Variants in MAP3K15 observed in about 807,000 individuals in gnomAD.
MAP3K15 encodes MAPK/ERK kinase kinase 15.
Under a neutral mutation model 99.5 loss-of-function variants are expected in MAP3K15, and 124 were observed. That is an observed-to-expected ratio of 1.25 (90% CI 1.08 to 1.45). The LOEUF is 1.45. MAP3K15 is among the 40% of genes most tolerant of loss of function. The probability of loss-of-function intolerance (pLI) is 0.00; values close to 1 mark genes in which losing one functional copy is unlikely to be tolerated. For missense variants in MAP3K15, 1,242 were observed against 1,079.7 expected (o/e 1.15, Z -2.11); for synonymous variants, 494 against 439.6 (o/e 1.12, Z -1.55).
chrX:19,473,485 A>C (rs2064220861), intron 3 of MAP3K15, among the ~76,000 whole-genome samples: 1 of 112,631 alleles, frequency 8.9e-6, no homozygotes, highest in African/African-American at 3.2e-5. Context: ...ATAAGTGGAA[A>C]CATCTCAAGA....
intron 6 of MAP3K15, among the ~76,000 whole-genome samples, chrX:19,434,874 GTAA>G (rs1418532018): frequency 9.0e-6 from 1 of 111,654 alleles, no homozygotes; most frequent in African/African-American, 3.3e-5. Flanking sequence ...CTGGAAACCT[GTAA>G]TAATTAAGCC....
At chrX:19,431,340 G>T in intron 7 of MAP3K15, 98 bp downstream of exon 7, 1 of 805,360 alleles carries the variant, frequency 1.2e-6, no homozygotes, top group Non-Finnish European at 1.7e-6. Flanking sequence ...CCTGCCAACA[G>T]ACAGACATAT....
Position 19,431,602 on chromosome X carries a change from G to A in MAP3K15, c.1002C>T (p.Asn334=). Residue 334 remains asparagine, a synonymous_variant, in exon 7 of 29, where the codon AAC becomes AAT. Transcript: ENST00000338883. ...GAGCCTTCTCACGGTCACCTGTGCT[G>A]TTTCTCCTGAAAGATAGATGTTATA... The part of the protein sequence containing the change: ...FHYAFALNRR[N]STGDREKALQ... The A allele has an allele frequency of 2.5e-6, 3 of 1,195,641 alleles. No individual in the cohort carries two copies. The highest frequency in any genetic ancestry group is 2.3e-4 in the Middle Eastern group (1 of 4,277).
chrX:19,486,310 G>A (rs1039884412), intron 3 of MAP3K15, among the ~76,000 whole-genome samples, 172 bp downstream of exon 3: 1 of 111,822 alleles, frequency 8.9e-6, no homozygotes, highest in East Asian at 2.8e-4. Flanking sequence ...AGTGGGGCCT[G>A]GGGCCGGCCG....
chrX:19,384,748 GGAAAAAAAAA>G (rs2063482664), intron 18 of MAP3K15, among the ~76,000 whole-genome samples: 3 of 56,469 alleles, frequency 5.3e-5, no homozygotes, highest in African/African-American at 1.4e-4. Flanking sequence ...TTGTCTCAGG[GGAAAAAAAAA>G]AAAAAAAAAA....
intron 1 of MAP3K15, among the ~76,000 whole-genome samples, chrX:19,500,981 A>G (rs1300505931): frequency 1.8e-5 from 2 of 112,068 alleles, no homozygotes; most frequent in Non-Finnish European, 3.8e-5. Flanking sequence ...GCTTCTTTCA[A>G]AGTTGGCCCA....
At chrX:19,370,872 G>A in intron 24 of MAP3K15, 87 bp downstream of exon 24, 1 of 730,867 alleles carries the variant, frequency 1.4e-6, no homozygotes. Context: ...AGATGGAAAA[G>A]AGAAAAGCAA....
rs781025203 is a variant in MAP3K15 at position 19,374,428 on chromosome X, A to G, written c.2773+49T>C. 7.5e-5 allele frequency: 85 copies of G among 1,138,005 alleles called. No individual in the cohort carries two copies. In the East Asian group the frequency reaches 2.3e-3, roughly 31 times the overall value. The allele number at this position is 1,138,005 out of a possible 1,213,427, so 93.8% of individuals were successfully genotyped here. A position where few individuals can be genotyped will look rare whatever the true frequency, so the allele number is the denominator to read the frequency against. On this transcript the variant is annotated intron_variant, in intron 20 of 28. Transcript: ENST00000338883. ...TGAGCAGCAGAGAAGCCCAGCGCCC[A>G]GCATTCTTGTGGCCAGGGTGCTGCC... is the stretch of plus-strand genomic sequence containing the variant.
At chrX:19,416,890 G>A (rs184746108) in intron 9 of MAP3K15, among the ~76,000 whole-genome samples, 4 of 112,095 alleles carry the variant, frequency 3.6e-5, no homozygotes, top group African/African-American at 1.3e-4. Context: ...AAAGTTCAAA[G>A]CAATTACAAA....
intron 1 of MAP3K15, chrX:19,497,225 G>A (rs1417797069): frequency 2.9e-5 from 3 of 104,488 alleles, no homozygotes; most frequent in Non-Finnish European, 5.8e-5. Context: ...GCAGTGGCAT[G>A]ATCTCGGCTC....
In MAP3K15 at chrX:19,415,306, T is replaced by C. The variant is rs1034114443; in HGVS notation, c.1440-49A>G. 7 of 1,064,948 alleles carry C rather than the reference T, an allele frequency of 6.6e-6. No individual in the cohort carries two copies. In the South Asian group the frequency reaches 1.6e-4, roughly 25 times the overall value. The allele number at this position is 1,064,948 out of a possible 1,213,427, so 87.8% of individuals were successfully genotyped here. A position where few individuals can be genotyped will look rare whatever the true frequency, so the allele number is the denominator to read the frequency against. ...ATATTGGATTCCTAAAGAAACTGAA[T>C]TCAATTCAAGTCCCTTTAAAAGAAG... On this transcript the variant is annotated intron_variant, in intron 9 of 28. Coordinates refer to ENST00000338883, the MANE Select transcript of MAP3K15 (RefSeq NM_001001671.4).
intron 6 of MAP3K15, among the ~76,000 whole-genome samples, chrX:19,449,190 C>T (rs955808522): frequency 2.7e-5 from 3 of 109,930 alleles, no homozygotes; most frequent in African/African-American, 9.7e-5. Context: ...GGTTATCTCC[C>T]GATTAGAATT....
chrX:19,450,298 C>T (rs1375323521), intron 6 of MAP3K15, among the ~76,000 whole-genome samples: 3 of 108,599 alleles, frequency 2.8e-5, no homozygotes, highest in Admixed American at 9.8e-5. Context: ...TGCAATGAGC[C>T]ATCATCACAC....
At chrX:19,433,942 C>T (rs903959239) in intron 6 of MAP3K15, among the ~76,000 whole-genome samples, 1 of 110,918 alleles carries the variant, frequency 9.0e-6, no homozygotes, top group African/African-American at 3.3e-5. Flanking sequence ...TACAGAATAA[C>T]GTAATCATTA....
chrX:19,490,606 G>T (rs191026171), intron 1 of MAP3K15, among the ~76,000 whole-genome samples: 1 of 109,864 alleles, frequency 9.1e-6, no homozygotes, highest in Non-Finnish European at 1.9e-5. Flanking sequence ...AAAATTAGCC[G>T]GGTGTGGTGG....
rs1220581162 is a variant in MAP3K15, at chrX:19,464,304, G to A, written c.628C>T (p.Gln210Ter). 14 of 1,199,610 alleles carry A rather than the reference G, an allele frequency of 1.2e-5. No individual in the cohort carries two copies. The highest frequency in any genetic ancestry group is 1.6e-5 in the Non-Finnish European group (14 of 894,666). Residue 210 changes from glutamine to a stop codon, truncating the protein, a stop_gained, in exon 4 of 29, where the codon CAG (glutamine) becomes TAG (stop). Coordinates refer to ENST00000338883, the MANE Select transcript of MAP3K15 (RefSeq NM_001001671.4). LOFTEE classifies it high-confidence loss of function. ...DAQRRASEYM[Q>*]PNWDNILGPL... ...CCCAGGATGTTGTCCCAGTTGGGCT[G>A]CATGTACTCGGAGGCTCGTCTCTGG...
chrX:19,457,776 T>C (rs1435563603), intron 5 of MAP3K15, among the ~76,000 whole-genome samples: 1 of 111,794 alleles, frequency 8.9e-6, no homozygotes, highest in Non-Finnish European at 1.9e-5. Context: ...TTTCTCAACC[T>C]TGGGACTAGT....
At chrX:19,485,695 G>T (rs6633271) in intron 3 of MAP3K15, among the ~76,000 whole-genome samples, 1 of 110,686 alleles carries the variant, frequency 9.0e-6, no homozygotes, top group Non-Finnish European at 1.9e-5. Context: ...GGAATAGGAA[G>T]AGAGTCTGTA....
At chrX:19,410,643 T>C (rs993331640) in intron 11 of MAP3K15, among the ~76,000 whole-genome samples, 2 of 111,617 alleles carry the variant, frequency 1.8e-5, no homozygotes, top group African/African-American at 6.5e-5. Flanking sequence ...TGTTAAGATA[T>C]TGAGATTTGG....
Sources: gnomAD v4.1 joint callset for allele counts (sites outside exome capture counted in the v4.1 genomes callset) on GRCh38, gnomAD v4.1.1 for gene constraint, MANE v1.5 for transcripts, NCBI Gene and HGNC (gene_info 2026-07-23, HGNC 2026-07-21) for gene names.